The following RADX variants were observed in gnomAD, a reference collection of about 807,000 sequenced individuals.
RADX encodes RPA1 related single stranded DNA binding protein, X-linked.
RADX carries 36 observed loss-of-function variants against 61.6 expected under a neutral mutation model. The ratio of observed to expected loss-of-function variants is 0.58; its 90% CI spans 0.45 to 0.77. The LOEUF (loss-of-function observed/expected upper bound fraction) is 0.77, where lower values mean the gene tolerates loss of function less well. Among genes scored for constraint, RADX ranks in the 30% least tolerant of loss-of-function variants. RADX has a pLI of 0.00. For synonymous variants in RADX, 272 were observed against 237.9 expected (o/e 1.14, Z -1.32); for missense variants, 497 against 651.1 (o/e 0.76, Z 2.58).
intron 1 of RADX, among the ~76,000 whole-genome samples, chrX:106,620,860 C>G (rs1926926429): frequency 8.9e-6 from 1 of 111,926 alleles, no homozygotes; most frequent in African/African-American, 3.2e-5. Context: ...TCTTCATTGT[C>G]TGTAAACAGC....
intron 10 of RADX, among the ~76,000 whole-genome samples, chrX:106,647,523 C>T (rs1927689844): frequency 9.0e-6 from 1 of 110,546 alleles, no homozygotes; most frequent in Non-Finnish European, 1.9e-5. Flanking sequence ...GGGGGATGCT[C>T]GATTATATGG....
At chrX:106,658,923 T>C (rs1401126967) in intron 11 of RADX, among the ~76,000 whole-genome samples, 1 of 106,690 alleles carries the variant, frequency 9.4e-6, no homozygotes, top group Non-Finnish European at 1.9e-5. Flanking sequence ...GCAAAGAAAG[T>C]AGCTCCTTTC....
intron 6 of RADX, among the ~76,000 whole-genome samples, chrX:106,635,376 T>C (rs1480906777): frequency 9.0e-6 from 1 of 111,458 alleles, no homozygotes; most frequent in Non-Finnish European, 1.9e-5. Context: ...TGGCCATGAA[T>C]TTAGAATTAG....
intron 13 of RADX, among the ~76,000 whole-genome samples, chrX:106,674,463 TTTG>T (rs756763825): frequency 5.4e-5 from 6 of 112,031 alleles, no homozygotes; most frequent in African/African-American, 9.8e-5. Context: ...TCTGTTTTGT[TTTG>T]TTGTTGTTGT....
chrX:106,654,975 G>T (rs1307402533), intron 11 of RADX, among the ~76,000 whole-genome samples: 1 of 111,713 alleles, frequency 9.0e-6, no homozygotes, highest in African/African-American at 3.2e-5. Flanking sequence ...AGAAACAATA[G>T]AAAAGTAGCA....
chrX:106,673,371 C>T (rs761930810), intron 13 of RADX, among the ~76,000 whole-genome samples: 1 of 110,480 alleles, frequency 9.1e-6, no homozygotes, highest in East Asian at 2.9e-4. Flanking sequence ...TGGATCCTTT[C>T]CTTCAAGGCA....
chrX:106,628,560 T>A (rs757772504), intron 3 of RADX, among the ~76,000 whole-genome samples: 1 of 111,462 alleles, frequency 9.0e-6, no homozygotes, highest in African/African-American at 3.3e-5. Flanking sequence ...GGTGTTCATG[T>A]TGGAAGAGAA....
chrX:106,656,824 G>A (rs1927951728), intron 11 of RADX, among the ~76,000 whole-genome samples: 1 of 111,621 alleles, frequency 9.0e-6, no homozygotes, highest in African/African-American at 3.3e-5. Context: ...CTGTCATTGA[G>A]GCTTTGTTCC....
At chrX:106,642,010 A>C (rs1429268803) in intron 10 of RADX, among the ~76,000 whole-genome samples, 4 of 111,810 alleles carry the variant, frequency 3.6e-5, no homozygotes, top group Non-Finnish European at 7.5e-5. Context: ...AAGATTTTAA[A>C]AATTCCAATC....
chrX:106,642,694 A>G (rs1270911727), intron 10 of RADX, among the ~76,000 whole-genome samples: 1 of 111,827 alleles, frequency 8.9e-6, no homozygotes, highest in Non-Finnish European at 1.9e-5. Flanking sequence ...AGCTATTATA[A>G]ACAGTGCTGC....
chrX:106,643,621 T>C (rs1181247071), intron 10 of RADX, among the ~76,000 whole-genome samples: 1 of 111,699 alleles, frequency 9.0e-6, no homozygotes, highest in Non-Finnish European at 1.9e-5. Flanking sequence ...GGCACCTTTG[T>C]TAAAAATGAG....
At chrX:106,671,343 T>A (rs1169194558) in intron 13 of RADX, among the ~76,000 whole-genome samples, 4 of 111,935 alleles carry the variant, frequency 3.6e-5, no homozygotes, top group Non-Finnish European at 7.5e-5. Context: ...CAAAATTTAT[T>A]TGACCAGTCT....
chrX:106,634,413 C>T (rs1603043276), intron 6 of RADX, among the ~76,000 whole-genome samples: 1 of 111,286 alleles, frequency 9.0e-6, no homozygotes, highest in African/African-American at 3.3e-5. Flanking sequence ...GGATTACAGG[C>T]GTGAGCCACT....
chrX:106,639,444 T>C (rs1927448924), intron 8 of RADX, 83 bp from the exon 9 acceptor site: 1 of 816,492 alleles, frequency 1.2e-6, no homozygotes, highest in African/African-American at 2.1e-5. Flanking sequence ...AATTTTGTGT[T>C]GTGAAATTAC....
chrX:106,621,688 A>G (rs745385969), intron 1 of RADX, among the ~76,000 whole-genome samples: 442 of 111,283 alleles, frequency 4.0e-3, no homozygotes, highest in Non-Finnish European at 5.9e-3. Context: ...GGAATGGAGG[A>G]TAAGTAAAGG....
chrX:106,653,739 A>G (rs190458393), intron 11 of RADX, among the ~76,000 whole-genome samples: 2 of 109,943 alleles, frequency 1.8e-5, no homozygotes, highest in African/African-American at 6.6e-5. Flanking sequence ...CCCTGTGTCC[A>G]TGTGTTCTCA....
Position 106,673,474 on chromosome X carries a change from C to T in RADX, c.2437+4144C>T, listed in dbSNP as rs766856404. ...CTTCACGACTGACTGGTGCCCTATC[C>T]TGCTATGCCCTATCTTGCTGTGTCT... is the stretch of plus-strand genomic sequence containing the variant. On this transcript the variant is annotated intron_variant, in intron 13 of 13. Transcript: ENST00000372548. Among the ~76,000 whole-genome samples, 3 of 110,047 alleles carry T rather than the reference C, an allele frequency of 2.7e-5. No individual in the cohort carries two copies. The Admixed American group carries it at 2.9e-4, about 11-fold the overall frequency.
chrX:106,642,265 C>T (rs1927531983), intron 10 of RADX, among the ~76,000 whole-genome samples: 1 of 111,042 alleles, frequency 9.0e-6, no homozygotes, highest in African/African-American at 3.3e-5. Context: ...TCAAATTACA[C>T]TCTTTTAGTT....
rs911592201 is a variant in RADX, at chrX:106,612,692, A to G, written c.612A>G (p.Thr204=). 9.3e-5 allele frequency: 112 copies of G among 1,203,165 alleles called. No homozygotes were observed. The highest frequency in any genetic ancestry group is 1.2e-4 in the Non-Finnish European group (110 of 892,666). ...ATCCCTATGGAGATATCTGGTTAAC[A>G]GACAAGCAACCTGAGGAACACAACT... The part of the protein sequence containing the change: ...NEDPYGDIWL[T]DKQPEEHNFS... Residue 204 remains threonine, a synonymous_variant, in exon 1 of 14, where the codon ACA becomes ACG. Transcript: ENST00000372548.
Sources: gnomAD v4.1 joint callset for allele counts (sites outside exome capture counted in the v4.1 genomes callset) on GRCh38, gnomAD v4.1.1 for gene constraint, MANE v1.5 for transcripts, NCBI Gene and HGNC (gene_info 2026-07-23, HGNC 2026-07-21) for gene names.